PTPRD: variants seen among roughly 807,000 people sequenced by gnomAD.
PTPRD encodes receptor-type tyrosine-protein phosphatase delta.
Under a neutral mutation model 214.5 loss-of-function variants are expected in PTPRD, and 34 were observed. The observed-to-expected ratio is 0.16, with a 90% CI of 0.12 to 0.21. The LOEUF (loss-of-function observed/expected upper bound fraction) is 0.21, where lower values mean the gene tolerates loss of function less well. Among genes scored for constraint, PTPRD ranks in the 10% least tolerant of loss-of-function variants. The pLI, the probability that PTPRD is intolerant of heterozygous loss-of-function variation, is 1.00. For synonymous variants in PTPRD, 1,128 were observed against 845.7 expected (o/e 1.33, Z -5.79); for missense variants, 2,545 against 2,398.7 (o/e 1.06, Z -1.27).
chr9:10,407,324 G>A (rs1189031234), intron 2 of PTPRD, among the ~76,000 whole-genome samples: 2 of 151,494 alleles, frequency 1.3e-5, no homozygotes, highest in Non-Finnish European at 3.0e-5. Context: ...CATAAGAAAT[G>A]CCACTCAAGA....
At chr9:9,261,647 C>CGTGT (rs5896314) in intron 9 of PTPRD, among the ~76,000 whole-genome samples, 6,303 of 148,128 alleles carry the variant, frequency 0.043, 165 homozygotes, top group African/African-American at 0.08. Flanking sequence ...TGTGCATGCA[C>CGTGT]GTGTGTGTGT....
At chr9:9,348,416 C>A (rs1310644051) in intron 9 of PTPRD, among the ~76,000 whole-genome samples, 1 of 152,104 alleles carries the variant, frequency 6.6e-6, no homozygotes, top group Non-Finnish European at 1.5e-5. Context: ...ATTATCCAGT[C>A]ACAATGCTCA....
chr9:8,547,421 T>C (rs539507783), intron 14 of PTPRD, among the ~76,000 whole-genome samples: 6 of 152,246 alleles, frequency 3.9e-5, no homozygotes, highest in African/African-American at 7.2e-5. Flanking sequence ...GGTGGGCAGA[T>C]TGCCTGATCT....
At chr9:9,839,659 A>G (rs1192215390) in intron 5 of PTPRD, among the ~76,000 whole-genome samples, 1 of 152,020 alleles carries the variant, frequency 6.6e-6, no homozygotes, top group Non-Finnish European at 1.5e-5. Flanking sequence ...TGCCATCCCC[A>G]TCAAGCTACC....
chr9:10,097,368 G>A (rs1341567353), intron 3 of PTPRD, among the ~76,000 whole-genome samples: 1 of 137,374 alleles, frequency 7.3e-6, no homozygotes. Context: ...TCCTACCCAT[G>A]AGCATGGAAT....
At chr9:8,674,448 C>T (rs550964820) in intron 12 of PTPRD, among the ~76,000 whole-genome samples, 93 of 88,486 alleles carry the variant, frequency 1.1e-3, no homozygotes, top group Non-Finnish European at 1.4e-3. Context: ...CAGAGCAAGA[C>T]GCTGTCTCAA....
chr9:9,537,396 G>A (rs1294171204), intron 8 of PTPRD, among the ~76,000 whole-genome samples: 1 of 151,910 alleles, frequency 6.6e-6, no homozygotes, highest in Non-Finnish European at 1.5e-5. Flanking sequence ...TCAACACAGT[G>A]ACATCATCAT....
intron 11 of PTPRD, among the ~76,000 whole-genome samples, chr9:8,926,203 G>C (rs1038094016): frequency 6.6e-6 from 1 of 151,848 alleles, no homozygotes. Context: ...CTGCTGCCAA[G>C]GTTTTATCAA....
At chr9:10,354,916 T>A (rs2097249323) in intron 2 of PTPRD, among the ~76,000 whole-genome samples, 1 of 152,230 alleles carries the variant, frequency 6.6e-6, no homozygotes, top group South Asian at 2.1e-4. Context: ...GACTTCAGCA[T>A]GTGTCCCATT....
chr9:9,705,894 G>C (rs1363459258), intron 7 of PTPRD, among the ~76,000 whole-genome samples: 1 of 152,258 alleles, frequency 6.6e-6, no homozygotes, highest in Non-Finnish European at 1.5e-5. Flanking sequence ...CTCAAAGAGA[G>C]GTAGTATGGC....
intron 12 of PTPRD, among the ~76,000 whole-genome samples, chr9:8,733,513 C>A (rs1034534153): frequency 2.0e-5 from 3 of 152,002 alleles, no homozygotes; most frequent in Non-Finnish European, 4.4e-5. Context: ...ATCTTTGCTA[C>A]CAGGCTGATA....
chr9:9,012,667 T>C (rs2099516487), intron 11 of PTPRD, among the ~76,000 whole-genome samples: 1 of 152,170 alleles, frequency 6.6e-6, no homozygotes. Flanking sequence ...ATTTACAGAA[T>C]AGTATTGAAA....
At chr9:8,486,774 C>A (rs1418107525) in intron 27 of PTPRD, among the ~76,000 whole-genome samples, 1 of 152,166 alleles carries the variant, frequency 6.6e-6, no homozygotes, top group African/African-American at 2.4e-5. Context: ...AAGTGCATTG[C>A]ATATAGTATT....
intron 11 of PTPRD, among the ~76,000 whole-genome samples, chr9:8,867,889 A>G (rs1285064503): frequency 6.6e-6 from 1 of 152,218 alleles, no homozygotes; most frequent in African/African-American, 2.4e-5. Context: ...AGTGTATAAT[A>G]GAACCCTGTA....
At chr9:10,033,862 T>C (rs1240311517) in intron 3 of PTPRD, 72 bp from the exon 4 acceptor site, 3 of 152,046 alleles carry the variant, frequency 2.0e-5, no homozygotes, top group Admixed American at 1.3e-4. Flanking sequence ...TTTAAGTCAA[T>C]TGATCAGATA....
In PTPRD at chr9:8,361,687, T is replaced by C. The variant is rs545352125; in HGVS notation, c.4661+14249A>G. Reference sequence around the variant, plus strand: ...TTGAAAAACAGAAAATGAATTGCCATTTAACAAACACTGCCTGGAATGTTG... The same window carrying C: ...TTGAAAAACAGAAAATGAATTGCCACTTAACAAACACTGCCTGGAATGTTG... On this transcript the variant is annotated intron_variant, in intron 39 of 45. Coordinates refer to ENST00000381196, the MANE Select transcript of PTPRD (RefSeq NM_002839.4). Among the ~76,000 whole-genome samples, 7 of 152,334 alleles carry C rather than the reference T, an allele frequency of 4.6e-5. No individual in the cohort carries two copies. The South Asian group carries it at 1.4e-3, about 32-fold the overall frequency.
rs182604010 is a variant in PTPRD at position 10,257,901 on chromosome 9, G to T, written c.-545+83062C>A. Reference sequence around the variant, plus strand: ...TAAAACAAAATAACACCCTTTCTGTGGCAGAAAATAATGAAACAAGCATTC... The same window carrying T: ...TAAAACAAAATAACACCCTTTCTGTTGCAGAAAATAATGAAACAAGCATTC... On this transcript the variant is annotated intron_variant, in intron 3 of 45. Coordinates refer to ENST00000381196, the MANE Select transcript of PTPRD (RefSeq NM_002839.4). 2.4e-3 allele frequency among the ~76,000 whole-genome samples: 368 copies of T among 152,256 alleles called. 2 individuals are homozygous for T. Among genetic ancestry groups the T allele is most frequent in the Non-Finnish European group, 4.2e-3 (289 of 68,026 alleles).
At chr9:9,180,749 T>C (rs921542760) in intron 10 of PTPRD, among the ~76,000 whole-genome samples, 4 of 152,020 alleles carry the variant, frequency 2.6e-5, no homozygotes, top group Non-Finnish European at 4.4e-5. Context: ...TCTTAAATAA[T>C]TGGAGGAAAA....
At chr9:9,548,408 T>TTTC (rs1555549931) in intron 8 of PTPRD, among the ~76,000 whole-genome samples, 1 of 147,252 alleles carries the variant, frequency 6.8e-6, no homozygotes, top group Non-Finnish European at 1.5e-5. Flanking sequence ...TTTTTTTCTT[T>TTTC]TTTTTTTTTT....
Sources: allele counts gnomAD v4.1 joint callset (sites outside exome capture counted in the v4.1 genomes callset), GRCh38; gene constraint gnomAD v4.1.1; transcripts MANE v1.5; gene names NCBI Gene and HGNC (gene_info 2026-07-23, HGNC 2026-07-21).